The following DOCK1 variants were observed in gnomAD, a reference collection of about 807,000 sequenced individuals.
DOCK1 encodes the protein dedicator of cytokinesis 1, also known as dedicator of cytokinesis protein 1.
Under a neutral mutation model 262.7 loss-of-function variants are expected in DOCK1, and 138 were observed. The observed-to-expected ratio is 0.53, with a 90% CI of 0.46 to 0.61. The LOEUF is 0.61. Ranked by LOEUF, DOCK1 falls within the 20% of genes least tolerant of loss-of-function variation. The pLI is 0.00. For synonymous variants in DOCK1, 866 were observed against 867.4 expected, an observed-to-expected ratio of 1.00 and a Z score of 0.03; for missense variants, 1,908 against 2,370.7, an observed-to-expected ratio of 0.80 and a Z score of 4.05.
chr10:127,426,065 C>T lies in DOCK1; in HGVS notation c.4914+54C>T, dbSNP rs994098286. 3 of 1,608,466 alleles carry T rather than the reference C, an allele frequency of 1.9e-6. No individual in the cohort carries two copies. In the African/African-American group the frequency reaches 4.0e-5, roughly 21 times the overall value. On this transcript the variant is annotated intron_variant, in intron 47 of 51. Transcript: ENST00000623213. The stretch of plus-strand genomic sequence containing the variant: ...GAAGAGTGGGTGTCTGGGCATCCCA[C>T]TGTTGAACAGGGACAAGCTTCCAGA...
At chr10:127,300,171 G>A (rs964982752) in intron 29 of DOCK1, among the ~76,000 whole-genome samples, 2 of 152,120 alleles carry the variant, frequency 1.3e-5, no homozygotes, top group African/African-American at 4.8e-5. Context: ...CATCCTCCCC[G>A]ATGGCATTTC....
chr10:127,261,304 T>G (rs1228168559), intron 29 of DOCK1, among the ~76,000 whole-genome samples: 30 of 120,146 alleles, frequency 2.5e-4, no homozygotes, highest in Admixed American at 2.6e-4. Flanking sequence ...TGGGTGTGTG[T>G]GTGTGTGCCT....
intron 26 of DOCK1, among the ~76,000 whole-genome samples, chr10:127,126,086 C>CTTTT (rs11307702): frequency 1.5e-5 from 2 of 135,326 alleles, no homozygotes; most frequent in African/African-American, 2.7e-5. Flanking sequence ...TACCCTATTC[C>CTTTT]TTTTTTTTTT....
chr10:126,936,489 C>T, intron 1 of DOCK1, among the ~76,000 whole-genome samples: 1 of 152,248 alleles, frequency 6.6e-6, no homozygotes, highest in East Asian at 1.9e-4. Flanking sequence ...TTTTGCATGT[C>T]ATGAAACATT....
At chr10:127,209,121 C>T (rs1314188265) in intron 27 of DOCK1, among the ~76,000 whole-genome samples, 2 of 152,110 alleles carry the variant, frequency 1.3e-5, no homozygotes, top group African/African-American at 2.4e-5. Flanking sequence ...ATTTGATGAT[C>T]CAGAATCAGT....
At position 127,401,121 on chromosome 10, in the gene DOCK1, C is replaced by T. The variant is rs183223076; in HGVS notation, c.3928-1934C>T. ...ACTCAGCTCAAGAGGACAGCTCTGA[C>T]CCCCTGTGATTTCATCAGCAGCAAG... On this transcript the variant is annotated intron_variant, in intron 38 of 51. Coordinates refer to ENST00000623213, the MANE Select transcript of DOCK1 (RefSeq NM_001290223.2). Among the ~76,000 whole-genome samples, 5 of 152,026 alleles carry T rather than the reference C, an allele frequency of 3.3e-5. No individual in the cohort carries two copies. In the South Asian group the frequency reaches 6.2e-4, roughly 19 times the overall value.
intron 40 of DOCK1, among the ~76,000 whole-genome samples, chr10:127,405,535 G>A (rs2067470085): frequency 1.3e-5 from 2 of 148,756 alleles, no homozygotes; most frequent in Admixed American, 1.4e-4. Flanking sequence ...TCTGTGTCTT[G>A]AGCACAGCCG....
chr10:126,972,486 A>G (rs1486769044), intron 2 of DOCK1, among the ~76,000 whole-genome samples: 2 of 152,164 alleles, frequency 1.3e-5, no homozygotes, highest in African/African-American at 2.4e-5. Context: ...GGTGGTTCCC[A>G]TATAGCATAT....
At chr10:126,928,414 A>T (rs1441200179) in intron 1 of DOCK1, among the ~76,000 whole-genome samples, 1 of 150,670 alleles carries the variant, frequency 6.6e-6, no homozygotes, top group Non-Finnish European at 1.5e-5. Flanking sequence ...CCAGCTTAAG[A>T]TGTGGTCATG....
intron 31 of DOCK1, among the ~76,000 whole-genome samples, chr10:127,354,190 G>C (rs2064023478): frequency 6.6e-6 from 1 of 152,062 alleles, no homozygotes; most frequent in Non-Finnish European, 1.5e-5. Context: ...GCATCTTTTG[G>C]TGTTAAGCCC....
At chr10:127,182,906 A>G (rs1414196278) in intron 27 of DOCK1, among the ~76,000 whole-genome samples, 1 of 152,064 alleles carries the variant, frequency 6.6e-6, no homozygotes, top group Non-Finnish European at 1.5e-5. Flanking sequence ...TGATGAAGCA[A>G]CAATCAGCTG....
At chr10:126,951,041 G>A (rs1212052371) in intron 1 of DOCK1, among the ~76,000 whole-genome samples, 1 of 151,902 alleles carries the variant, frequency 6.6e-6, no homozygotes, top group Non-Finnish European at 1.5e-5. Context: ...GGTAGTAGTA[G>A]TATTGGTGAT....
At chr10:127,348,550 A>C (rs2135802065) in intron 31 of DOCK1, among the ~76,000 whole-genome samples, 1 of 152,292 alleles carries the variant, frequency 6.6e-6, no homozygotes, top group Non-Finnish European at 1.5e-5. Flanking sequence ...CAAGAGGTTA[A>C]GTTTGATGGC....
chr10:127,134,104 T>C (rs1023734198), intron 27 of DOCK1, among the ~76,000 whole-genome samples: 29 of 152,340 alleles, frequency 1.9e-4, no homozygotes, highest in African/African-American at 6.7e-4. Flanking sequence ...CACCATGACA[T>C]AGAAAAGTTC....
intron 18 of DOCK1, among the ~76,000 whole-genome samples, 161 bp downstream of exon 18, chr10:127,032,481 T>C (rs1022404131): frequency 1.3e-5 from 2 of 152,232 alleles, no homozygotes; most frequent in African/African-American, 4.8e-5. Context: ...GCATAGAAGG[T>C]GGCATTTGTT....
At chr10:126,942,743 C>T (rs1247467295) in intron 1 of DOCK1, among the ~76,000 whole-genome samples, 1 of 152,032 alleles carries the variant, frequency 6.6e-6, no homozygotes, top group Non-Finnish European at 1.5e-5. Context: ...CATGATCTGT[C>T]CTGTTGGGAA....
intron 27 of DOCK1, among the ~76,000 whole-genome samples, chr10:127,207,407 C>T (rs2057774210): frequency 6.6e-6 from 1 of 152,152 alleles, no homozygotes; most frequent in Non-Finnish European, 1.5e-5. Flanking sequence ...ATAAACAGTT[C>T]AAATTTTAGT....
intron 27 of DOCK1, among the ~76,000 whole-genome samples, chr10:127,217,420 T>C (rs1257663494): frequency 6.6e-6 from 1 of 152,222 alleles, no homozygotes; most frequent in Non-Finnish European, 1.5e-5. Flanking sequence ...AAGCCTATCA[T>C]GTGTATTGGC....
intron 29 of DOCK1, among the ~76,000 whole-genome samples, chr10:127,309,080 A>C (rs1475147627): frequency 1.3e-5 from 2 of 152,108 alleles, no homozygotes; most frequent in Non-Finnish European, 2.9e-5. Context: ...CTATTTCTCC[A>C]CAGCCTCGCC....
Sources: allele counts gnomAD v4.1 joint callset (sites outside exome capture counted in the v4.1 genomes callset), GRCh38; gene constraint gnomAD v4.1.1; transcripts MANE v1.5; gene names NCBI Gene and HGNC (gene_info 2026-07-23, HGNC 2026-07-21).